The following EP400 variants were observed in gnomAD, a reference collection of about 807,000 sequenced individuals.
The protein encoded by EP400 is E1A-binding protein p400.
Under a neutral mutation model 354.1 loss-of-function variants are expected in EP400, and 105 were observed. The ratio of observed to expected loss-of-function variants is 0.30; its 90% CI spans 0.25 to 0.35. The LOEUF is 0.35. EP400 is among the 10% of genes least tolerant of loss of function. The pLI, the probability that EP400 is intolerant of heterozygous loss-of-function variation, is 1.00. For missense variants in EP400, 3,280 were observed against 4,121.0 expected, an observed-to-expected ratio of 0.80 and a Z score of 5.59; for synonymous variants, 1,646 against 1,716.9, an observed-to-expected ratio of 0.96 and a Z score of 1.02.
intron 2 of EP400, among the ~76,000 whole-genome samples, chr12:131,966,102 C>A (rs1393335479): frequency 1.3e-5 from 2 of 152,024 alleles, no homozygotes; most frequent in Non-Finnish European, 2.9e-5. Flanking sequence ...TATTAAGAAC[C>A]CGTCCGGCCG....
intron 1 of EP400, among the ~76,000 whole-genome samples, chr12:131,957,579 C>CTTTA (rs145207337): frequency 0.13 from 17,931 of 140,400 alleles, 2,287 homozygotes; most frequent in African/African-American, 0.34. Flanking sequence ...TATAAAAATG[C>CTTTA]TTTATTTATT....
chr12:132,005,974 A>C, intron 13 of EP400, 138 bp from the exon 14 acceptor site: 5 of 789,278 alleles, frequency 6.3e-6, no homozygotes, highest in Non-Finnish European at 9.8e-6. Flanking sequence ...GATATTTTGG[A>C]TTACAAATAA....
chr12:132,027,355 A>G lies in EP400; in HGVS notation c.5015-82A>G. Reference sequence around the variant, plus strand: ...CTGTGGAGTGTGCTGGTGGAGGGTGAGGTTCCATGGAGCATGCTGGTGTCA... The same window carrying G: ...CTGTGGAGTGTGCTGGTGGAGGGTGGGGTTCCATGGAGCATGCTGGTGTCA... On this transcript the variant is annotated intron_variant, in intron 25 of 52. Transcript: ENST00000389561. The surrounding 1 kb of genome is among the most constrained non-coding windows in gnomAD (Gnocchi z 4.9). 7.2e-7 allele frequency: 1 copy of G among 1,385,582 alleles called. No homozygotes were observed. The highest frequency in any genetic ancestry group is 1.0e-6 in the Non-Finnish European group (1 of 977,730). The allele number at this position is 1,385,582 out of a possible 1,614,324, so 85.8% of individuals were successfully genotyped here. A position where few individuals can be genotyped will look rare whatever the true frequency, so the allele number is the denominator to read the frequency against.
intron 45 of EP400, among the ~76,000 whole-genome samples, chr12:132,057,485 A>G (rs1357036083): frequency 6.6e-6 from 1 of 152,214 alleles, no homozygotes; most frequent in African/African-American, 2.4e-5. Flanking sequence ...GAGGGGCTCC[A>G]CTACGGAGAG....
Position 132,076,612 on chromosome 12 carries a change from G to GT in EP400, c.9099+20dup. On this transcript the variant is annotated intron_variant, in intron 52 of 52. Coordinates refer to ENST00000389561, the MANE Select transcript of EP400 (RefSeq NM_015409.5). ...CCAGCAGGTAGGACGCATAGACAAAGTGGAAACCTCACATTTCCCAGGTCA... is the reference window on the plus strand; with the variant it reads ...CCAGCAGGTAGGACGCATAGACAAAGTTGGAAACCTCACATTTCCCAGGTCA... 1 of 1,593,810 alleles carries GT rather than the reference G, an allele frequency of 6.3e-7. No individual in the cohort carries two copies. The highest frequency in any genetic ancestry group is 8.6e-7 in the Non-Finnish European group (1 of 1,166,864).
intron 45 of EP400, among the ~76,000 whole-genome samples, chr12:132,058,753 TTAGAG>T (rs1895597474): frequency 6.6e-6 from 1 of 152,056 alleles, no homozygotes; most frequent in African/African-American, 2.4e-5. Flanking sequence ...GTAGAATTGA[TTAGAG>T]TAGAAGAGGC....
At chr12:132,069,327 C>A in intron 50 of EP400, 168 bp from the exon 51 acceptor site, 1 of 922,124 alleles carries the variant, frequency 1.1e-6, no homozygotes, top group Non-Finnish European at 1.6e-6. Flanking sequence ...CTGGAGGCAG[C>A]GGCAGGGATG....
At chr12:132,007,590 G>A (rs1227751204) in intron 15 of EP400, among the ~76,000 whole-genome samples, 2 of 152,254 alleles carry the variant, frequency 1.3e-5, no homozygotes, top group Non-Finnish European at 2.9e-5. Flanking sequence ...AGCTGCAGAG[G>A]AAGGTGTGAC....
intron 2 of EP400, among the ~76,000 whole-genome samples, chr12:131,964,889 A>G (rs1892025327): frequency 6.6e-6 from 1 of 152,212 alleles, no homozygotes; most frequent in South Asian, 2.1e-4. Flanking sequence ...TGTCTCAAGG[A>G]TGTCCTTCAT....
At chr12:131,977,303 A>ATTTT (rs769185264) in intron 2 of EP400, among the ~76,000 whole-genome samples, 2 of 140,646 alleles carry the variant, frequency 1.4e-5, no homozygotes, top group Non-Finnish European at 1.6e-5. Context: ...CGTCTGACTA[A>ATTTT]TTTTTTTTTT....
At chr12:132,023,095 A>C (rs1432392804) in intron 23 of EP400, among the ~76,000 whole-genome samples, 7 of 150,600 alleles carry the variant, frequency 4.6e-5, no homozygotes, top group African/African-American at 1.7e-4. Flanking sequence ...GTTTAGGTTC[A>C]TATGTGAGTT....
At chr12:132,031,892 GT>G (rs1894519640) in intron 29 of EP400, 60 bp from the exon 30 acceptor site, 1 of 1,494,600 alleles carries the variant, frequency 6.7e-7, no homozygotes, top group East Asian at 2.3e-5. Context: ...ATGTTGAAAC[GT>G]GTCAAAGGTT....
At chr12:132,014,564 A>T (rs1566187447) in intron 19 of EP400, among the ~76,000 whole-genome samples, 1 of 152,006 alleles carries the variant, frequency 6.6e-6, no homozygotes, top group African/African-American at 2.4e-5. Flanking sequence ...AACACAAAAA[A>T]CCCTGGAAAT....
At chr12:132,046,546 A>AT (rs1158221652) in intron 39 of EP400, among the ~76,000 whole-genome samples, 3 of 152,176 alleles carry the variant, frequency 2.0e-5, no homozygotes, top group African/African-American at 7.2e-5. Flanking sequence ...AACTATAAGT[A>AT]TTGCAAATGT....
At position 132,045,347 on chromosome 12, in the gene EP400, C is replaced by T. The variant is rs201537201; in HGVS notation, c.6813C>T (p.His2271=). The T allele has an allele frequency of 6.0e-5, 97 of 1,614,236 alleles. No individual in the cohort carries two copies. Among genetic ancestry groups the T allele is most frequent in the African/African-American group, 1.1e-4 (8 of 75,072 alleles). The change falls in exon 38 of 53, where the codon CAC becomes CAT. Residue 2271 remains histidine, a synonymous_variant. Coordinates refer to ENST00000389561, the MANE Select transcript of EP400 (RefSeq NM_015409.5). ...CAGGCAGGAAGAAGAAGCAGCGTCA[C>T]GGGGAGGCGGTCGTCCCTCCTCGGT... ...SAAGRKKKQR[H]GEAVVPPRSL... is the part of the protein sequence containing the mutation.
intron 19 of EP400, among the ~76,000 whole-genome samples, chr12:132,016,057 A>G (rs1448122549): frequency 6.6e-6 from 1 of 152,124 alleles, no homozygotes; most frequent in Non-Finnish European, 1.5e-5. Flanking sequence ...TTCTGTTACC[A>G]GCCAGTTCAT....
chr12:132,024,613 TG>T (rs1350962235), intron 24 of EP400, among the ~76,000 whole-genome samples: 2 of 152,194 alleles, frequency 1.3e-5, no homozygotes, highest in African/African-American at 4.8e-5. Context: ...CTTGTCCCCG[TG>T]GTGGGATCAT....
Position 132,052,867 on chromosome 12 carries a change from G to T in EP400, c.7395-279G>T, listed in dbSNP as rs1386748770. 1.3e-5 allele frequency among the ~76,000 whole-genome samples: 2 copies of T among 152,134 alleles called. No homozygotes were observed. Among genetic ancestry groups the T allele is most frequent in the South Asian group, 4.1e-4 (2 of 4,824 alleles). On this transcript the variant is annotated intron_variant, in intron 41 of 52. Transcript: ENST00000389561. This position sits in a 1 kb window ranked among gnomAD's most constrained non-coding sequence, Gnocchi z 4.4. ...TGCAGACACATGAGGTGGGCTGTGC[G>T]TTTGGGGGCTGCCACAAGTACGCTG...
In EP400 at chr12:131,979,683, T is replaced by G. The variant is rs1445560058; in HGVS notation, c.1336-11T>G. 1 of 1,596,506 alleles carries G rather than the reference T, an allele frequency of 6.3e-7. No homozygotes were observed. Among genetic ancestry groups the G allele is most frequent in the African/African-American group, 1.4e-5 (1 of 73,844 alleles). ...GTGATCAAAATCTCATTTTTTCATC[T>G]TTTTTCCCAGCAGCAAGCCCTCGCA... On this transcript the variant is annotated splice_polypyrimidine_tract_variant and intron_variant, in intron 2 of 52. Transcript: ENST00000389561.
Sources: gnomAD v4.1 joint callset for allele counts (sites outside exome capture counted in the v4.1 genomes callset) on GRCh38, gnomAD v4.1.1 for gene constraint, Gnocchi (gnomAD v3.1) non-coding constraint, MANE v1.5 for transcripts, NCBI Gene and HGNC (gene_info 2026-07-23, HGNC 2026-07-21) for gene names.